PAPSS2: variants seen among roughly 807,000 people sequenced by gnomAD.
The protein encoded by PAPSS2 is 3'-phosphoadenosine 5'-phosphosulfate synthase 2, also known as bifunctional 3'-phosphoadenosine 5'-phosphosulfate synthase 2.
A neutral mutation model predicts 66.5 loss-of-function variants in PAPSS2; 61 were observed. The ratio of observed to expected loss-of-function variants is 0.92; its 90% confidence interval spans 0.75 to 1.14. The LOEUF is 1.14. PAPSS2 is among the 50% of genes most tolerant of loss of function. The probability of loss-of-function intolerance (pLI) is 0.00; values close to 1 mark genes in which losing one functional copy is unlikely to be tolerated. For synonymous variants in PAPSS2, 289 were observed against 287.5 expected, an observed-to-expected ratio of 1.01 and a Z score of -0.05; for missense variants, 708 against 789.6, an observed-to-expected ratio of 0.90 and a Z score of 1.24.
intron 9 of PAPSS2, among the ~76,000 whole-genome samples, chr10:87,733,432 A>G (rs1027246845): frequency 6.6e-6 from 1 of 152,160 alleles, no homozygotes; most frequent in Admixed American, 6.5e-5. Flanking sequence ...TATTTTTCAC[A>G]ATGCTCTTGG....
intron 7 of PAPSS2, among the ~76,000 whole-genome samples, chr10:87,716,924 T>C (rs1208232142): frequency 1.3e-5 from 2 of 152,204 alleles, no homozygotes; most frequent in Non-Finnish European, 2.9e-5. Flanking sequence ...TTTCATTTGA[T>C]CCTCACAAAA....
chr10:87,663,010 C>A (rs1360300969), intron 1 of PAPSS2, among the ~76,000 whole-genome samples: 3 of 150,956 alleles, frequency 2.0e-5, no homozygotes, highest in Non-Finnish European at 4.4e-5. Flanking sequence ...TCCCAAGTAG[C>A]TGGGATTACA....
At chr10:87,742,212 A>G (rs1853878959) in intron 10 of PAPSS2, among the ~76,000 whole-genome samples, 1 of 152,250 alleles carries the variant, frequency 6.6e-6, no homozygotes, top group Non-Finnish European at 1.5e-5. Context: ...GAGATAGCTG[A>G]AGTGTATTTA....
At chr10:87,702,332 C>T (rs1188294751) in intron 1 of PAPSS2, among the ~76,000 whole-genome samples, 1 of 152,170 alleles carries the variant, frequency 6.6e-6, no homozygotes, top group Non-Finnish European at 1.5e-5. Context: ...CTTCAGCCCC[C>T]TTCCCAATAT....
At chr10:87,666,372 T>A (rs916095683) in intron 1 of PAPSS2, among the ~76,000 whole-genome samples, 4 of 152,256 alleles carry the variant, frequency 2.6e-5, no homozygotes, top group South Asian at 4.1e-4. Flanking sequence ...CAGAGACCTC[T>A]ACCCTTTCTA....
At chr10:87,738,897 G>A (rs1297414489) in intron 9 of PAPSS2, among the ~76,000 whole-genome samples, 1 of 152,116 alleles carries the variant, frequency 6.6e-6, no homozygotes, top group Non-Finnish European at 1.5e-5. Context: ...TCATTGAGTT[G>A]TAGGAGTTTT....
rs1853936073 is a variant in PAPSS2 at position 87,746,113 on chromosome 10, A to AT, written c.*143_*144insT. The stretch of plus-strand genomic sequence containing the variant: ...GTAAAAGTTGTGTCTATAATTAAAA[A>AT]AAAATATATATATATACACACACAC... On this transcript the variant is annotated 3_prime_UTR_variant, in exon 13 of 13. Transcript: ENST00000456849. 7.9e-6 allele frequency: 5 copies of AT among 632,502 alleles called. No homozygotes were observed. The highest frequency in any genetic ancestry group is 3.8e-5 in the African/African-American group (2 of 52,908). 39.2% of individuals were successfully genotyped at this position (632,502 alleles called of 1,614,324 possible).
At chr10:87,662,612 T>C (rs1980648) in intron 1 of PAPSS2, among the ~76,000 whole-genome samples, 95,780 of 143,878 alleles carry the variant, frequency 0.67, 31,439 homozygotes, top group East Asian at 0.92. Flanking sequence ...AGGGACAGAC[T>C]GCCTCTAGGG....
At chr10:87,701,851 A>G (rs565001555) in intron 1 of PAPSS2, among the ~76,000 whole-genome samples, 6 of 152,326 alleles carry the variant, frequency 3.9e-5, no homozygotes, top group Middle Eastern at 3.4e-3. Context: ...TTACCAAAAT[A>G]AGTACAAATC....
intron 1 of PAPSS2, among the ~76,000 whole-genome samples, chr10:87,693,686 C>T (rs1384001498): frequency 6.6e-6 from 1 of 152,190 alleles, no homozygotes; most frequent in Non-Finnish European, 1.5e-5. Flanking sequence ...AACTGAAATG[C>T]ATTGGTTCAC....
chr10:87,661,681 C>T (rs773457513), intron 1 of PAPSS2, among the ~76,000 whole-genome samples: 2 of 152,056 alleles, frequency 1.3e-5, no homozygotes, highest in African/African-American at 2.4e-5. Context: ...AAATCAATTG[C>T]GGGGGCTCTG....
chr10:87,723,254 C>T (rs866161566), intron 8 of PAPSS2, among the ~76,000 whole-genome samples: 1 of 152,208 alleles, frequency 6.6e-6, no homozygotes, highest in East Asian at 1.9e-4. Context: ...CTAGTGACAA[C>T]GACAGCATTT....
intron 1 of PAPSS2, chr10:87,703,699 A>G (rs1449370117): frequency 3.9e-6 from 2 of 517,854 alleles, no homozygotes; most frequent in Non-Finnish European, 7.7e-6. Context: ...TTGACTCCAA[A>G]ATCGATACTC....
intron 1 of PAPSS2, among the ~76,000 whole-genome samples, chr10:87,665,313 G>A (rs180790727): frequency 2.0e-5 from 3 of 152,034 alleles, no homozygotes; most frequent in Admixed American, 1.3e-4. Context: ...CCGGGTTCAC[G>A]CCATTCTTCT....
At chr10:87,681,084 G>A (rs912665480) in intron 1 of PAPSS2, among the ~76,000 whole-genome samples, 2 of 152,164 alleles carry the variant, frequency 1.3e-5, no homozygotes, top group African/African-American at 2.4e-5. Flanking sequence ...TAAGGGAAGC[G>A]GGTGTTGCTG....
chr10:87,669,368 C>A (rs966642283), intron 1 of PAPSS2, among the ~76,000 whole-genome samples: 4 of 152,164 alleles, frequency 2.6e-5, no homozygotes, highest in Non-Finnish European at 4.4e-5. Flanking sequence ...ATTACAGTAA[C>A]CATGTGTGGT....
At chr10:87,725,650 G>T (rs1564724905) in intron 8 of PAPSS2, among the ~76,000 whole-genome samples, 2 of 152,100 alleles carry the variant, frequency 1.3e-5, no homozygotes, top group Admixed American at 6.6e-5. Context: ...AAACCACCAT[G>T]AATAACATCA....
At position 87,747,134 on chromosome 10, in the gene PAPSS2, G is replaced by A. The variant is rs754932166; in HGVS notation, c.*1164G>A. On this transcript the variant is annotated 3_prime_UTR_variant, in exon 13 of 13. Coordinates refer to ENST00000456849, the MANE Select transcript of PAPSS2 (RefSeq NM_001015880.2). ...AAAGTGCTTACAAAGCTGCCTTCTCGGATACTGAAAGGTCGAGTTTTCTGA... is the reference window on the plus strand; with the variant it reads ...AAAGTGCTTACAAAGCTGCCTTCTCAGATACTGAAAGGTCGAGTTTTCTGA... 3 of 151,590 alleles carry A rather than the reference G, an allele frequency of 2.0e-5. No individual in the cohort carries two copies. The highest frequency in any genetic ancestry group is 2.9e-5 in the Non-Finnish European group (2 of 67,942). 9.4% of individuals were successfully genotyped at this position (151,590 alleles called of 1,614,324 possible).
chr10:87,703,393 C>A (rs1853343214), intron 1 of PAPSS2, among the ~76,000 whole-genome samples: 1 of 151,770 alleles, frequency 6.6e-6, no homozygotes, highest in South Asian at 2.1e-4. Flanking sequence ...TTAGAGTAGA[C>A]CCAGATCCCC....
Sources: allele counts gnomAD v4.1 joint callset (sites outside exome capture counted in the v4.1 genomes callset), GRCh38; gene constraint gnomAD v4.1.1; transcripts MANE v1.5; gene names NCBI Gene and HGNC (gene_info 2026-07-23, HGNC 2026-07-21).